Variants in COL14A1 observed in about 807,000 individuals in gnomAD.
The protein encoded by COL14A1 is collagen type XIV alpha 1 chain, also known as collagen alpha-1(XIV) chain.
A neutral mutation model predicts 230.3 loss-of-function variants in COL14A1; 136 were observed. That is an observed-to-expected ratio of 0.59 (90% CI 0.51 to 0.68). The LOEUF is 0.68. Among genes scored for constraint, COL14A1 ranks in the 30% least tolerant of loss-of-function variants. The pLI is 0.00. For missense variants in COL14A1, 1,976 were observed against 2,215.8 expected (o/e 0.89, Z 2.17); for synonymous variants, 792 against 784.1 (o/e 1.01, Z -0.17).
intron 19 of COL14A1, among the ~76,000 whole-genome samples, chr8:120,235,945 C>T (rs1419487591): frequency 6.6e-6 from 1 of 152,142 alleles, no homozygotes; most frequent in Non-Finnish European, 1.5e-5. Flanking sequence ...GTTTCTTAAT[C>T]CTGAGTTCTA....
chr8:120,311,619 A>T (rs1821040054), intron 37 of COL14A1, among the ~76,000 whole-genome samples: 1 of 152,204 alleles, frequency 6.6e-6, no homozygotes, highest in Non-Finnish European at 1.5e-5. Flanking sequence ...GATACCTTGC[A>T]TACGGAAGGC....
At chr8:120,330,949 T>C (rs1821841128) in intron 40 of COL14A1, among the ~76,000 whole-genome samples, 7 of 151,648 alleles carry the variant, frequency 4.6e-5, no homozygotes, top group Admixed American at 4.6e-4. Flanking sequence ...CTACTAAAAA[T>C]ACGAAATTAG....
intron 6 of COL14A1, among the ~76,000 whole-genome samples, chr8:120,197,566 G>A (rs1302401431): frequency 6.6e-6 from 1 of 151,780 alleles, no homozygotes; most frequent in East Asian, 1.9e-4. Flanking sequence ...TTAATGCCAA[G>A]TACCTAATTG....
intron 5 of COL14A1, among the ~76,000 whole-genome samples, chr8:120,185,501 A>C (rs527327314): frequency 6.6e-6 from 1 of 152,034 alleles, no homozygotes; most frequent in African/African-American, 2.4e-5. Flanking sequence ...CAAAAATTAA[A>C]AAACAAACAA....
At chr8:120,184,402 A>G (rs564510342) in intron 5 of COL14A1, among the ~76,000 whole-genome samples, 141 of 151,856 alleles carry the variant, frequency 9.3e-4, no homozygotes, top group African/African-American at 3.4e-3. Context: ...TCACAGGTGT[A>G]CATCACTACA....
Position 120,250,873 on chromosome 8 carries a change from T to C in COL14A1, c.2752+107T>C. On this transcript the variant is annotated intron_variant, in intron 22 of 47. Transcript: ENST00000297848. ...CTCAGGCTGGAGTGCGCTGGTGCGA[T>C]CTGGACTCACTGAAACATCCGCCTC... The C allele has an allele frequency of 6.1e-6, 8 of 1,313,740 alleles. No individual in the cohort carries two copies. In the South Asian group the frequency reaches 1.1e-4, roughly 18 times the overall value. 81.4% of individuals were successfully genotyped at this position (1,313,740 alleles called of 1,614,324 possible).
chr8:120,195,236 T>C (rs1005483078), intron 5 of COL14A1, among the ~76,000 whole-genome samples: 1 of 152,074 alleles, frequency 6.6e-6, no homozygotes, highest in Non-Finnish European at 1.5e-5. Context: ...CCAACCATAA[T>C]AGTTCAACTA....
intron 2 of COL14A1, among the ~76,000 whole-genome samples, chr8:120,157,698 T>G (rs1815524519): frequency 6.6e-6 from 1 of 152,118 alleles, no homozygotes. Context: ...AAATAATATA[T>G]ATTATGGCCA....
Position 120,289,640 on chromosome 8 carries a change from A to G in COL14A1, c.4110A>G (p.Lys1370=). 1 of 1,614,038 alleles carries G rather than the reference A, an allele frequency of 6.2e-7. No homozygotes were observed. Among genetic ancestry groups the G allele is most frequent in the Non-Finnish European group, 8.5e-7 (1 of 1,179,964 alleles). Residue 1370 remains lysine, a synonymous_variant, in exon 34 of 48, where the codon AAA becomes AAG. Coordinates refer to ENST00000297848, the MANE Select transcript of COL14A1 (RefSeq NM_021110.4). ...TTGTTGTCAGTGAGACTTTGGTCAAAGTGGTTATTGACTGCAAGCAAGTGG... is the reference window on the plus strand; with the variant it reads ...TTGTTGTCAGTGAGACTTTGGTCAAGGTGGTTATTGACTGCAAGCAAGTGG... ...LHIVVSETLV[K]VVIDCKQVGE... is the part of the protein sequence containing the mutation.
At chr8:120,162,635 G>GGT in intron 4 of COL14A1, 66 bp downstream of exon 4, 1 of 1,356,796 alleles carries the variant, frequency 7.4e-7, no homozygotes, top group Non-Finnish European at 9.8e-7. Flanking sequence ...TTGAGTCTGT[G>GGT]ATATATATTC....
At chr8:120,276,423 G>C (rs962832193) in intron 26 of COL14A1, among the ~76,000 whole-genome samples, 7 of 149,002 alleles carry the variant, frequency 4.7e-5, no homozygotes, top group Non-Finnish European at 1.0e-4. Flanking sequence ...TACACTACTT[G>C]GGTGATGGGT....
At chr8:120,285,325 G>T (rs944446435) in intron 32 of COL14A1, among the ~76,000 whole-genome samples, 1 of 151,784 alleles carries the variant, frequency 6.6e-6, no homozygotes, top group Non-Finnish European at 1.5e-5. Context: ...TTAGCTGGGC[G>T]TGGTGGCGGG....
chr8:120,305,199 C>G (rs1820822380), intron 36 of COL14A1, among the ~76,000 whole-genome samples: 1 of 152,118 alleles, frequency 6.6e-6, no homozygotes, highest in Admixed American at 6.5e-5. Flanking sequence ...AGGCTGGTCT[C>G]AAACTCCTAA....
intron 1 of COL14A1, among the ~76,000 whole-genome samples, chr8:120,127,295 C>G (rs1199482791): frequency 6.6e-6 from 1 of 152,228 alleles, no homozygotes; most frequent in Non-Finnish European, 1.5e-5. Flanking sequence ...CTGGGGATCC[C>G]TGAGCCAGGA....
intron 11 of COL14A1, among the ~76,000 whole-genome samples, chr8:120,209,092 A>G (rs556704564): frequency 6.6e-6 from 1 of 152,348 alleles, no homozygotes; most frequent in African/African-American, 2.4e-5. Context: ...ATCCCTGGCA[A>G]CAATCTGTCG....
intron 10 of COL14A1, 65 bp from the exon 11 acceptor site, chr8:120,208,167 T>C: frequency 1.4e-6 from 2 of 1,480,772 alleles, no homozygotes; most frequent in East Asian, 2.3e-5. Context: ...TATTTTCGCT[T>C]TTTGATTTCA....
At chr8:120,135,664 T>C (rs768356156) in intron 1 of COL14A1, among the ~76,000 whole-genome samples, 13 of 152,192 alleles carry the variant, frequency 8.5e-5, no homozygotes, top group Non-Finnish European at 1.9e-4. Context: ...TTTGAGATTT[T>C]GATTAAAATT....
chr8:120,345,488 C>T lies in COL14A1; in HGVS notation c.5002C>T (p.Pro1668Ser). The change falls in exon 45 of 48, where the codon CCT becomes TCT. Residue 1668 changes from proline to serine, a missense_variant. Physicochemically the swap from Pro to Ser is moderately conservative, Grantham distance 74 (BLOSUM62 -1). Coordinates refer to ENST00000297848, the MANE Select transcript of COL14A1 (RefSeq NM_021110.4). ...EPGRPGSPGA[P>S]GEQGPPGTPG... ...TGGGAGGCCAGGCTCACCTGGAGCC[C>T]CTGGTGAACAAGGACCCCCAGGCAC... The T allele has an allele frequency of 6.2e-7, 1 of 1,605,024 alleles. No homozygotes were observed. The highest frequency in any genetic ancestry group is 8.5e-7 in the Non-Finnish European group (1 of 1,176,080).
At chr8:120,262,019 A>G (rs1819342347) in intron 23 of COL14A1, among the ~76,000 whole-genome samples, 1 of 152,312 alleles carries the variant, frequency 6.6e-6, no homozygotes, top group African/African-American at 2.4e-5. Context: ...CCCATGGACC[A>G]GGGCTTCTGA....
Sources: gnomAD v4.1 joint callset for allele counts (sites outside exome capture counted in the v4.1 genomes callset) on GRCh38, gnomAD v4.1.1 for gene constraint, MANE v1.5 for transcripts, NCBI Gene and HGNC (gene_info 2026-07-23, HGNC 2026-07-21) for gene names.